CELF2: variants seen among roughly 807,000 people sequenced by gnomAD.
The protein encoded by CELF2 is CUG triplet repeat RNA-binding protein 2.
Under a neutral mutation model 62.6 loss-of-function variants are expected in CELF2, and 8 were observed. The ratio of observed to expected loss-of-function variants is 0.13; its 90% CI spans 0.07 to 0.23. The LOEUF (loss-of-function observed/expected upper bound fraction) is 0.23. Ranked by LOEUF, CELF2 falls within the 10% of genes least tolerant of loss-of-function variation. CELF2 has a pLI of 1.00. For missense variants in CELF2, 333 were observed against 671.0 expected, an observed-to-expected ratio of 0.50 and a Z score of 5.56; for synonymous variants, 258 against 250.0, an observed-to-expected ratio of 1.03 and a Z score of -0.30.
chr10:11,204,306 C>A (rs1109861), intron 2 of CELF2, among the ~76,000 whole-genome samples: 58,971 of 152,092 alleles, frequency 0.39, 14,266 homozygotes, highest in Non-Finnish European at 0.55. Context: ...GCCATTAAAC[C>A]GCATCTCTCT....
chr10:10,742,290 T>G, the CELF2 span, among the ~76,000 whole-genome samples: 8 of 152,288 alleles, frequency 5.3e-5, no homozygotes, highest in South Asian at 1.7e-3. Flanking sequence ...GGACTTACTG[T>G]ATAGTCAAAT....
rs1258963324 is a variant in CELF2 at position 11,217,732 on chromosome 10, G to C, written c.354+225G>C. Reference sequence around the variant, plus strand: ...GCATTCTCAAATAGTGCATCCCCTGGTTAGAAAATCAGAGTGACCCCACTG... The same window carrying C: ...GCATTCTCAAATAGTGCATCCCCTGCTTAGAAAATCAGAGTGACCCCACTG... On this transcript the variant is annotated intron_variant, in intron 3 of 12. Transcript: ENST00000633077. This position sits in a 1 kb window ranked among gnomAD's most constrained non-coding sequence, Gnocchi z 5.6. Among the ~76,000 whole-genome samples the C allele has an allele frequency of 2.0e-5, 3 of 152,084 alleles. No homozygotes were observed. Among genetic ancestry groups the C allele is most frequent in the Admixed American group, 2.0e-4 (3 of 15,266 alleles).
At chr10:10,867,457 A>G (rs930268897) in intron 1 of CELF2, among the ~76,000 whole-genome samples, 1 of 152,264 alleles carries the variant, frequency 6.6e-6, no homozygotes, top group Non-Finnish European at 1.5e-5. Flanking sequence ...CAAACACATC[A>G]ACAGATTCTA....
chr10:10,952,845 T>C (rs7922245), intron 2 of CELF2, among the ~76,000 whole-genome samples: 56,458 of 152,020 alleles, frequency 0.37, 11,335 homozygotes, highest in East Asian at 0.77. Context: ...TGCCTGACTG[T>C]TTTTCACCAT....
intron 1 of CELF2, among the ~76,000 whole-genome samples, chr10:11,081,983 C>T (rs149781106): frequency 2.0e-5 from 3 of 152,148 alleles, no homozygotes; most frequent in African/African-American, 7.2e-5. Context: ...GCCTAGTTTT[C>T]GTTCCCTGGA....
At chr10:10,727,081 G>A in the CELF2 span, among the ~76,000 whole-genome samples, 1 of 152,244 alleles carries the variant, frequency 6.6e-6, no homozygotes, top group Middle Eastern at 3.4e-3. Flanking sequence ...GTGCTAACCC[G>A]TTAGAAATCA....
rs999260170 is a variant in CELF2, at chr10:11,316,589, C to T, written c.1096+2331C>T. 2.0e-5 allele frequency among the ~76,000 whole-genome samples: 3 copies of T among 152,154 alleles called. No homozygotes were observed. Among genetic ancestry groups the T allele is most frequent in the South Asian group, 2.1e-4 (1 of 4,836 alleles). ...CAGAGTCAGCTTCTCAAATAGTTGA[C>T]GGCAGCTTCCATAGCACTGCTATGA... On this transcript the variant is annotated intron_variant, in intron 10 of 12. Coordinates refer to ENST00000633077, the MANE Select transcript of CELF2 (RefSeq NM_001326342.2). The surrounding 1 kb of genome is among the most constrained non-coding windows in gnomAD (Gnocchi z 4.4).
chr10:10,523,434 G>A, the CELF2 span, among the ~76,000 whole-genome samples: 29 of 152,238 alleles, frequency 1.9e-4, no homozygotes, highest in South Asian at 6.0e-3. Context: ...ACAGTCAGGA[G>A]GTGACCTGTC....
the CELF2 span, among the ~76,000 whole-genome samples, chr10:10,569,239 G>A: frequency 1.3e-5 from 2 of 152,144 alleles, no homozygotes; most frequent in African/African-American, 4.8e-5. Context: ...TGGACTCACA[G>A]TTCCATCTGG....
At chr10:11,190,716 G>A (rs2076094895) in intron 2 of CELF2, among the ~76,000 whole-genome samples, 1 of 128,408 alleles carries the variant, frequency 7.8e-6, no homozygotes, top group Non-Finnish European at 1.6e-5. Flanking sequence ...ATACAAAAAA[G>A]GAGAAAGCTC....
the CELF2 span, among the ~76,000 whole-genome samples, chr10:10,591,761 C>A: frequency 6.6e-6 from 1 of 152,204 alleles, no homozygotes; most frequent in Admixed American, 6.5e-5. Context: ...CACTCAGCGT[C>A]CACCGCCAAG....
the CELF2 span, among the ~76,000 whole-genome samples, chr10:10,553,615 C>G: frequency 6.6e-6 from 1 of 152,070 alleles, no homozygotes; most frequent in Admixed American, 6.5e-5. Flanking sequence ...TCTCTGCTTT[C>G]CAGGATGAGA....
chr10:10,655,288 C>A, the CELF2 span, among the ~76,000 whole-genome samples: 5 of 137,332 alleles, frequency 3.6e-5, no homozygotes, highest in African/African-American at 1.1e-4. Flanking sequence ...TGAAAATGGC[C>A]ATACTGCCCA....
intron 1 of CELF2, among the ~76,000 whole-genome samples, chr10:11,127,653 A>G (rs780141393): frequency 6.6e-6 from 1 of 152,214 alleles, no homozygotes; most frequent in Non-Finnish European, 1.5e-5. Context: ...AGTGATGATG[A>G]GTATTTTTTC....
chr10:11,316,218 G>A lies in CELF2; in HGVS notation c.1096+1960G>A, dbSNP rs553761856. ...GCTTTTTAAAATTCTTTGCCAATGG[G>A]TTAATATAAGTCTGTATAGTTCATA... is the stretch of plus-strand genomic sequence containing the variant. On this transcript the variant is annotated intron_variant, in intron 10 of 12. Coordinates refer to ENST00000633077, the MANE Select transcript of CELF2 (RefSeq NM_001326342.2). This position sits in a 1 kb window ranked among gnomAD's most constrained non-coding sequence, Gnocchi z 4.4. Among the ~76,000 whole-genome samples, 1 of 152,324 alleles carries A rather than the reference G, an allele frequency of 6.6e-6. No homozygotes were observed. Among genetic ancestry groups the A allele is most frequent in the East Asian group, 1.9e-4 (1 of 5,190 alleles).
At chr10:10,971,511 C>T (rs73579419) in intron 2 of CELF2, among the ~76,000 whole-genome samples, 3,898 of 152,278 alleles carry the variant, frequency 0.026, 170 homozygotes, top group African/African-American at 0.089. Flanking sequence ...ATGTGCCTGT[C>T]CTTCCTTTCA....
At chr10:11,100,882 G>A (rs1325069070) in intron 1 of CELF2, among the ~76,000 whole-genome samples, 1 of 152,210 alleles carries the variant, frequency 6.6e-6, no homozygotes, top group Non-Finnish European at 1.5e-5. Context: ...TGAATTGGAA[G>A]GTTGCATTCA....
intron 2 of CELF2, among the ~76,000 whole-genome samples, chr10:10,992,948 G>A (rs1200473976): frequency 6.6e-6 from 1 of 152,170 alleles, no homozygotes; most frequent in African/African-American, 2.4e-5. Flanking sequence ...CACAACCACA[G>A]CTTGAACTAC....
upstream of CELF2, among the ~76,000 whole-genome samples, chr10:11,016,910 A>T (rs1265093990): frequency 6.6e-6 from 1 of 152,250 alleles, no homozygotes; most frequent in African/African-American, 2.4e-5. The surrounding 1 kb of genome is among the most constrained non-coding windows in gnomAD (Gnocchi z 5.2). Flanking sequence ...GAGGTAAACT[A>T]TAAACTTTTG....
Sources: gnomAD v4.1 joint callset for allele counts (sites outside exome capture counted in the v4.1 genomes callset) on GRCh38, gnomAD v4.1.1 for gene constraint, Gnocchi (gnomAD v3.1) non-coding constraint, MANE v1.5 for transcripts, NCBI Gene and HGNC (gene_info 2026-07-23, HGNC 2026-07-21) for gene names.